The following PLCL1 variants were observed in gnomAD, a reference collection of about 807,000 sequenced individuals.
PLCL1 encodes the protein inactive phospholipase C-like protein 1.
PLCL1 carries 41 observed loss-of-function variants against 84.4 expected under a neutral mutation model. The ratio of observed to expected loss-of-function variants is 0.49; its 90% CI spans 0.38 to 0.63. PLCL1 has a LOEUF of 0.63. PLCL1 is among the 30% of genes least tolerant of loss of function. PLCL1 has a pLI of 0.00. For synonymous variants in PLCL1, 490 were observed against 488.3 expected, an observed-to-expected ratio of 1.00 and a Z score of -0.05; for missense variants, 1,206 against 1,367.8, an observed-to-expected ratio of 0.88 and a Z score of 1.87.
intron 1 of PLCL1, among the ~76,000 whole-genome samples, chr2:197,878,701 C>A (rs1257919896): frequency 6.6e-6 from 1 of 151,962 alleles, no homozygotes; most frequent in East Asian, 1.9e-4. Flanking sequence ...GTAGTGTCTA[C>A]CTTAGGATCA....
At chr2:198,080,038 G>A (rs1167237354) in intron 1 of PLCL1, among the ~76,000 whole-genome samples, 5 of 152,214 alleles carry the variant, frequency 3.3e-5, no homozygotes, top group African/African-American at 1.2e-4. Flanking sequence ...CATGTGAGGA[G>A]AGTTAGCTTT....
chr2:197,845,485 C>A (rs187988533), intron 1 of PLCL1, among the ~76,000 whole-genome samples: 1 of 152,132 alleles, frequency 6.6e-6, no homozygotes, highest in Admixed American at 6.5e-5. Flanking sequence ...AGGAGCCTGG[C>A]AAGAAAAGAA....
chr2:197,887,609 A>G (rs1404840048), intron 1 of PLCL1, among the ~76,000 whole-genome samples: 1 of 152,142 alleles, frequency 6.6e-6, no homozygotes, highest in African/African-American at 2.4e-5. Flanking sequence ...GTTGATTTGT[A>G]TAAATTTCAG....
intron 1 of PLCL1, among the ~76,000 whole-genome samples, chr2:197,850,649 T>C (rs1687216529): frequency 6.6e-6 from 1 of 152,162 alleles, no homozygotes; most frequent in African/African-American, 2.4e-5. Flanking sequence ...TTTTTTCCCT[T>C]CCAGTATTAT....
At position 197,956,806 on chromosome 2, in the gene PLCL1, AATTCTGGAT is replaced by A. The variant is rs752434714; in HGVS notation, c.241-126948_241-126940del. On this transcript the variant is annotated intron_variant, in intron 1 of 5. Coordinates refer to ENST00000428675, the MANE Select transcript of PLCL1 (RefSeq NM_006226.4). ...TTGTAAATTTGTTTAGTTCCTTGTA[AATTCTGGAT>A]ATTAGACCTTTGTCAGATGGGTAGA... Among the ~76,000 whole-genome samples the A allele has an allele frequency of 1.1e-4, 17 of 151,788 alleles. 1 individual carries two copies. Among genetic ancestry groups the A allele is most frequent in the African/African-American group, 1.7e-4 (7 of 41,356 alleles).
At chr2:197,967,559 A>G (rs1689770012) in intron 1 of PLCL1, among the ~76,000 whole-genome samples, 1 of 152,166 alleles carries the variant, frequency 6.6e-6, no homozygotes, top group African/African-American at 2.4e-5. Flanking sequence ...ACTGCTTTCC[A>G]TTTTATATTT....
chr2:197,916,744 C>G (rs1688607450), intron 1 of PLCL1, among the ~76,000 whole-genome samples: 1 of 151,306 alleles, frequency 6.6e-6, no homozygotes, highest in Non-Finnish European at 1.5e-5. Flanking sequence ...ATGCCCGGTG[C>G]CCAGCAAAAT....
chr2:198,095,328 C>A (rs1043896356), intron 3 of PLCL1, among the ~76,000 whole-genome samples: 1 of 152,158 alleles, frequency 6.6e-6, no homozygotes, highest in African/African-American at 2.4e-5. Context: ...GTAGTATAGT[C>A]ACAGAGTCAT....
In PLCL1 at chr2:197,825,126, G is replaced by A. The variant is rs1016986439; in HGVS notation, c.240+19787G>A. Among the ~76,000 whole-genome samples, 25 of 151,954 alleles carry A rather than the reference G, an allele frequency of 1.6e-4. 1 individual carries two copies. The highest frequency in any genetic ancestry group is 1.6e-3 in the Admixed American group (25 of 15,256). On this transcript the variant is annotated intron_variant, in intron 1 of 5. Transcript: ENST00000428675. Reference sequence around the variant, plus strand: ...AAGACACAAGTCAGTGGGTGGAGGAGGATATAATGAATATAACATTTTTCT... The same window carrying A: ...AAGACACAAGTCAGTGGGTGGAGGAAGATATAATGAATATAACATTTTTCT...
chr2:197,934,434 A>C (rs151157708), intron 1 of PLCL1, among the ~76,000 whole-genome samples: 23 of 152,348 alleles, frequency 1.5e-4, no homozygotes, highest in African/African-American at 5.1e-4. Flanking sequence ...GACTTTGTGA[A>C]GTCGGCATAT....
intron 1 of PLCL1, among the ~76,000 whole-genome samples, chr2:197,956,491 G>A (rs948571354): frequency 6.6e-6 from 1 of 152,192 alleles, no homozygotes; most frequent in Non-Finnish European, 1.5e-5. Context: ...TTGAGGAATC[G>A]CCACATTTTC....
intron 1 of PLCL1, among the ~76,000 whole-genome samples, chr2:197,997,032 C>T (rs748478923): frequency 3.9e-5 from 6 of 152,168 alleles, no homozygotes; most frequent in Non-Finnish European, 5.9e-5. Flanking sequence ...TGTCCTATTA[C>T]CTGAACCAGA....
At chr2:197,861,078 CTTTG>C (rs1360962020) in intron 1 of PLCL1, among the ~76,000 whole-genome samples, 2 of 152,138 alleles carry the variant, frequency 1.3e-5, no homozygotes, top group Non-Finnish European at 2.9e-5. Context: ...ATAAGCGTCT[CTTTG>C]TTTGCTAATG....
At chr2:198,019,343 A>G (rs913837882) in intron 1 of PLCL1, among the ~76,000 whole-genome samples, 7 of 152,184 alleles carry the variant, frequency 4.6e-5, no homozygotes, top group Non-Finnish European at 1.0e-4. Flanking sequence ...AAGGATTACA[A>G]CTCCTTGCCA....
intron 1 of PLCL1, among the ~76,000 whole-genome samples, chr2:197,819,701 G>A (rs1690766671): frequency 6.6e-6 from 1 of 152,052 alleles, no homozygotes; most frequent in African/African-American, 2.4e-5. Flanking sequence ...AATTAGAATT[G>A]TTTATGATAC....
chr2:197,987,230 T>C (rs1385942615), intron 1 of PLCL1, among the ~76,000 whole-genome samples: 1 of 152,220 alleles, frequency 6.6e-6, no homozygotes, highest in Non-Finnish European at 1.5e-5. Flanking sequence ...CCTGCAGATG[T>C]GTTTGACTTA....
intron 1 of PLCL1, among the ~76,000 whole-genome samples, chr2:197,836,538 A>G (rs576747931): frequency 6.6e-6 from 1 of 152,148 alleles, no homozygotes. Flanking sequence ...TAGAATAAAT[A>G]AAAGGAGATT....
chr2:197,954,686 G>C (rs1174235350), intron 1 of PLCL1, among the ~76,000 whole-genome samples: 1 of 152,046 alleles, frequency 6.6e-6, no homozygotes, highest in Non-Finnish European at 1.5e-5. Context: ...AGTAGCTACT[G>C]ACTTCTATGA....
intron 1 of PLCL1, among the ~76,000 whole-genome samples, chr2:197,868,052 C>T (rs1334156180): frequency 6.6e-6 from 1 of 152,070 alleles, no homozygotes; most frequent in Non-Finnish European, 1.5e-5. Context: ...AGGATTTTTA[C>T]AATTGAAAGG....
Sources: gnomAD v4.1 joint callset for allele counts (sites outside exome capture counted in the v4.1 genomes callset) on GRCh38, gnomAD v4.1.1 for gene constraint, MANE v1.5 for transcripts, NCBI Gene and HGNC (gene_info 2026-07-23, HGNC 2026-07-21) for gene names.